The following CHRNA7 variants were observed in gnomAD, a reference collection of about 807,000 sequenced individuals.
CHRNA7 encodes cholinergic receptor nicotinic alpha 7 subunit.
Under a neutral mutation model 48.0 loss-of-function variants are expected in CHRNA7, and 17 were observed. That is an observed-to-expected ratio of 0.35 (90% CI 0.24 to 0.53). The LOEUF (loss-of-function observed/expected upper bound fraction) is 0.53. Ranked by LOEUF, CHRNA7 falls within the 20% of genes least tolerant of loss-of-function variation. CHRNA7 has a pLI of 0.92. For missense variants in CHRNA7, 155 were observed against 577.7 expected, an observed-to-expected ratio of 0.27 and a Z score of 7.50; for synonymous variants, 75 against 242.3, an observed-to-expected ratio of 0.31 and a Z score of 6.41.
intron 2 of CHRNA7, chr15:32,100,581 G>T (rs948753362): frequency 1.4e-4 from 21 of 154,580 alleles, no homozygotes; most frequent in African/African-American, 5.1e-4. Context: ...TTAGCTGGAG[G>T]CAGAACTCAG....
chr15:32,114,019 A>AATACATAT (rs1431585109), intron 4 of CHRNA7, among the ~76,000 whole-genome samples: 2 of 109,164 alleles, frequency 1.8e-5, no homozygotes, highest in African/African-American at 7.2e-5. Flanking sequence ...GCTATCTCCA[A>AATACATAT]ATATATATAT....
intron 3 of CHRNA7, among the ~76,000 whole-genome samples, chr15:32,109,372 C>G (rs1161565858): frequency 6.6e-6 from 1 of 152,168 alleles, no homozygotes; most frequent in African/African-American, 2.4e-5. Flanking sequence ...CCTGTTTTAT[C>G]AGCAAGGTCT....
rs573085241 is a variant in CHRNA7, at chr15:32,140,371, G to A, written c.351-13536G>A. Among the ~76,000 whole-genome samples the A allele has an allele frequency of 7.9e-5, 12 of 152,214 alleles. No homozygotes were observed. The South Asian group carries it at 2.1e-3, about 26-fold the overall frequency. ...AGTCTTTGCTATTGTGAATAGTGCC[G>A]CAATAAATATACGTGTGCATATGTC... On this transcript the variant is annotated intron_variant, in intron 4 of 9. Transcript: ENST00000306901.
intron 4 of CHRNA7, among the ~76,000 whole-genome samples, chr15:32,125,160 A>G (rs1331746247): frequency 6.6e-6 from 1 of 150,820 alleles, no homozygotes; most frequent in African/African-American, 2.4e-5. Context: ...GACGCAGCTG[A>G]CAAACTTTGA....
intron 4 of CHRNA7, among the ~76,000 whole-genome samples, chr15:32,127,160 G>A (rs1013339709): frequency 3.9e-5 from 6 of 152,090 alleles, no homozygotes; most frequent in South Asian, 2.1e-4. Context: ...TTTTGAGGGT[G>A]GCTGAGTAGT....
At chr15:32,045,399 A>G (rs1420950358) in intron 2 of CHRNA7, among the ~76,000 whole-genome samples, 1 of 152,342 alleles carries the variant, frequency 6.6e-6, no homozygotes, top group Middle Eastern at 3.4e-3. Flanking sequence ...GCAACCACAC[A>G]TAACCTTAAT....
chr15:32,061,498 A>G (rs73386722), intron 2 of CHRNA7, among the ~76,000 whole-genome samples: 197 of 152,318 alleles, frequency 1.3e-3, no homozygotes, highest in African/African-American at 4.5e-3. Context: ...GTTTGAATTC[A>G]CAAGAACAAC....
chr15:32,110,436 C>T (rs2050744414), intron 3 of CHRNA7, among the ~76,000 whole-genome samples: 1 of 152,210 alleles, frequency 6.6e-6, no homozygotes, highest in African/African-American at 2.4e-5. Flanking sequence ...TGCACATCAC[C>T]CATTAACACA....
At chr15:32,090,673 T>C (rs1036619227) in intron 2 of CHRNA7, among the ~76,000 whole-genome samples, 1 of 151,934 alleles carries the variant, frequency 6.6e-6, no homozygotes, top group East Asian at 1.9e-4. Context: ...TTTTTTTCTG[T>C]TGTTATGAGA....
intron 9 of CHRNA7, among the ~76,000 whole-genome samples, chr15:32,165,193 CTCTT>C (rs1346137467): frequency 6.6e-5 from 4 of 60,350 alleles, no homozygotes; most frequent in South Asian, 5.4e-4. Context: ...TGGTTTGCTG[CTCTT>C]TCTGTCTGTC....
chr15:32,041,404 A>G (rs1264794215), intron 2 of CHRNA7, among the ~76,000 whole-genome samples: 2 of 152,212 alleles, frequency 1.3e-5, no homozygotes, highest in African/African-American at 2.4e-5. Flanking sequence ...AGGAGCGTGC[A>G]ACCTAGATCC....
At chr15:32,106,562 G>A (rs1318805838) in intron 3 of CHRNA7, among the ~76,000 whole-genome samples, 1 of 152,118 alleles carries the variant, frequency 6.6e-6, no homozygotes, top group East Asian at 1.9e-4. Context: ...CGGTTCCTCT[G>A]CAGCCAGTTT....
Position 32,139,228 on chromosome 15 carries a change from T to C in CHRNA7, c.351-14679T>C, listed in dbSNP as rs149229045. Among the ~76,000 whole-genome samples, 620 of 152,360 alleles carry C rather than the reference T, an allele frequency of 4.1e-3. 7 individuals carry two copies. Among genetic ancestry groups the C allele is most frequent in the African/African-American group, 0.014 (596 of 41,592 alleles). ...ATTTCTTTTTAGCACTGAATAATAA[T>C]CCATTGTTTGGATATAGCACAGTTA... On this transcript the variant is annotated intron_variant, in intron 4 of 9. Transcript: ENST00000306901.
chr15:32,085,836 T>G (rs891437854), intron 2 of CHRNA7, among the ~76,000 whole-genome samples: 2 of 152,226 alleles, frequency 1.3e-5, no homozygotes, highest in Non-Finnish European at 2.9e-5. Context: ...AAGTCCATAA[T>G]TACTTTCCAT....
chr15:32,145,514 C>T (rs943418991), intron 4 of CHRNA7, among the ~76,000 whole-genome samples: 6 of 152,252 alleles, frequency 3.9e-5, no homozygotes, highest in Non-Finnish European at 7.4e-5. Context: ...TCAGCTATGC[C>T]CTGCCCACAG....
At chr15:32,113,667 G>A (rs35640276) in intron 4 of CHRNA7, among the ~76,000 whole-genome samples, 84 of 152,002 alleles carry the variant, frequency 5.5e-4, no homozygotes, top group African/African-American at 1.9e-3. Flanking sequence ...CACACATTCC[G>A]TAAAGGCAGT....
At chr15:32,128,962 T>C (rs2051112468) in intron 4 of CHRNA7, among the ~76,000 whole-genome samples, 1 of 151,914 alleles carries the variant, frequency 6.6e-6, no homozygotes, top group African/African-American at 2.4e-5. Context: ...CTTTTTAATA[T>C]GGATGAGTGT....
chr15:32,127,801 A>T (rs1173360015), intron 4 of CHRNA7, among the ~76,000 whole-genome samples: 1 of 152,102 alleles, frequency 6.6e-6, no homozygotes, highest in African/African-American at 2.4e-5. Flanking sequence ...CAGAGTAAAC[A>T]TGTTCTTTTT....
chr15:32,107,478 T>C (rs1413923533), intron 3 of CHRNA7, among the ~76,000 whole-genome samples: 1 of 150,022 alleles, frequency 6.7e-6, no homozygotes. Flanking sequence ...ATTTATTAAA[T>C]AAATATTTAA....
Sources: allele counts gnomAD v4.1 joint callset (sites outside exome capture counted in the v4.1 genomes callset), GRCh38; gene constraint gnomAD v4.1.1; transcripts MANE v1.5; gene names NCBI Gene and HGNC (gene_info 2026-07-23, HGNC 2026-07-21).